The following LRAT variants were observed in gnomAD, a reference collection of about 807,000 sequenced individuals.
LRAT encodes the protein lecithin retinol acyltransferase.
Under a neutral mutation model 14.2 loss-of-function variants are expected in LRAT, and 11 were observed. The observed-to-expected ratio is 0.78, with a 90% CI of 0.49 to 1.29. The LOEUF is 1.29. Among genes scored for constraint, LRAT ranks in the 50% most tolerant of loss-of-function variants. The pLI is 0.00. For missense variants in LRAT, 274 were observed against 292.4 expected, an observed-to-expected ratio of 0.94 and a Z score of 0.46; for synonymous variants, 144 against 124.8, an observed-to-expected ratio of 1.15 and a Z score of -1.03.
chr4:154,745,081 C>T (rs1486747110), intron 2 of LRAT, among the ~76,000 whole-genome samples: 3 of 132,452 alleles, frequency 2.3e-5, no homozygotes, highest in African/African-American at 8.4e-5. Context: ...TGCAGTGGCG[C>T]GATCTCCACT....
rs973024842 is a variant in LRAT at position 154,750,783 on chromosome 4, G to A, written c.*1647G>A. On this transcript the variant is annotated 3_prime_UTR_variant, in exon 3 of 3. Coordinates refer to ENST00000336356, the MANE Select transcript of LRAT (RefSeq NM_004744.5). The stretch of plus-strand genomic sequence containing the variant: ...AAAAGCAACCACTATGAGAACTACC[G>A]TGTTAGTGGTTTTTCACTTACTGTA... The A allele has an allele frequency of 4.6e-5, 7 of 152,058 alleles. No individual in the cohort carries two copies. The highest frequency in any genetic ancestry group is 7.4e-5 in the Non-Finnish European group (5 of 68,024). 9.4% of individuals were successfully genotyped at this position (152,058 alleles called of 1,614,324 possible). A position where few individuals can be genotyped will look rare whatever the true frequency, so the allele number is the denominator to read the frequency against.
chr4:154,748,469 G>A, intron 2 of LRAT: 1 of 849,226 alleles, frequency 1.2e-6, no homozygotes, highest in Non-Finnish European at 1.4e-6. Flanking sequence ...ATTTAGTCAG[G>A]AAATGGGATT....
At chr4:154,746,253 T>G (rs746534903) in intron 2 of LRAT, among the ~76,000 whole-genome samples, 6 of 152,200 alleles carry the variant, frequency 3.9e-5, no homozygotes, top group South Asian at 2.1e-4. Context: ...TAGATATTTT[T>G]GGGACCAGAA....
rs1282106863 is a variant in LRAT, at chr4:154,749,997, TATC to T, written c.*867_*869del. 1 of 152,210 alleles carries T rather than the reference TATC, an allele frequency of 6.6e-6. No homozygotes were observed. Among genetic ancestry groups the T allele is most frequent in the African/African-American group, 2.4e-5 (1 of 41,460 alleles). The allele number at this position is 152,210 out of a possible 1,614,324, so 9.4% of individuals were successfully genotyped here. ...GATAAATTGTTCTTGATTGCTTTAT[TATC>T]ATCATACTAGTGTGTTCATTATAGA... is the stretch of plus-strand genomic sequence containing the variant. On this transcript the variant is annotated 3_prime_UTR_variant, in exon 3 of 3. Transcript: ENST00000336356.
At chr4:154,743,422 A>G (rs1304938092), upstream of LRAT, among the ~76,000 whole-genome samples, 1 of 152,072 alleles carries the variant, frequency 6.6e-6, no homozygotes, top group Admixed American at 6.5e-5. Context: ...TGAACCTGGG[A>G]GGCGGAGGTT....
chr4:154,741,287 G>A (rs1184563009), upstream of LRAT, among the ~76,000 whole-genome samples: 1 of 152,038 alleles, frequency 6.6e-6, no homozygotes, highest in East Asian at 1.9e-4. Context: ...ATCGCTAACC[G>A]CTTCCCGCAT....
chr4:154,747,442 T>C (rs774085402), intron 2 of LRAT, among the ~76,000 whole-genome samples: 21 of 152,126 alleles, frequency 1.4e-4, no homozygotes, highest in Non-Finnish European at 2.5e-4. Flanking sequence ...CCCTTTTAAT[T>C]TGTGTGGATT....
intron 2 of LRAT, 86 bp from the exon 3 acceptor site, chr4:154,748,898 C>A: frequency 7.7e-7 from 1 of 1,291,428 alleles, no homozygotes; most frequent in Non-Finnish European, 1.1e-6. Context: ...CAGAAAATAG[C>A]TGGGAAAACT....
chr4:154,744,231 C>T lies in LRAT; in HGVS notation c.-2+9C>T. On this transcript the variant is annotated intron_variant, in intron 1 of 2. Coordinates refer to ENST00000336356, the MANE Select transcript of LRAT (RefSeq NM_004744.5). ...CCTCACCTGGCCTGCAGGTGAGCAG[C>T]AGCGCAGCACCCCTGCCCGGCGAGC... is the stretch of plus-strand genomic sequence containing the variant. 1 of 1,304,366 alleles carries T rather than the reference C, an allele frequency of 7.7e-7. No homozygotes were observed. The highest frequency in any genetic ancestry group is 1.1e-6 in the Non-Finnish European group (1 of 910,512). 80.8% of individuals were successfully genotyped at this position (1,304,366 alleles called of 1,614,324 possible). A position where few individuals can be genotyped will look rare whatever the true frequency, so the allele number is the denominator to read the frequency against.
upstream of LRAT, among the ~76,000 whole-genome samples, chr4:154,742,597 C>T (rs1732787929): frequency 6.6e-6 from 1 of 152,188 alleles, no homozygotes; most frequent in African/African-American, 2.4e-5. Context: ...GTGGAGCCAC[C>T]CGAGGCTCTC....
At chr4:154,743,453 C>A (rs1481201320), upstream of LRAT, among the ~76,000 whole-genome samples, 2 of 152,104 alleles carry the variant, frequency 1.3e-5, no homozygotes, top group Non-Finnish European at 2.9e-5. Context: ...CAGATCGCGC[C>A]ACCGCCCTCC....
upstream of LRAT, among the ~76,000 whole-genome samples, chr4:154,742,723 C>G (rs1732790564): frequency 6.6e-6 from 1 of 152,180 alleles, no homozygotes; most frequent in South Asian, 2.1e-4. Flanking sequence ...TCAGCGGCTC[C>G]CTCACCCGGC....
chr4:154,751,761 A>AAAT lies in LRAT; in HGVS notation c.*2627_*2628insTAA. The AAAT allele has an allele frequency of 9.1e-6, 1 of 109,786 alleles. No homozygotes were observed. The highest frequency in any genetic ancestry group is 3.1e-5 in the African/African-American group (1 of 32,464). The allele number at this position is 109,786 out of a possible 1,614,324, so 6.8% of individuals were successfully genotyped here. A position where few individuals can be genotyped will look rare whatever the true frequency, so the allele number is the denominator to read the frequency against. Reference sequence around the variant, plus strand: ...AAAAAAAAAAAAAAAAAAAAAAAAAAAAAGAAGAAGAAACCCTGAGCCATT... The same window carrying AAAT: ...AAAAAAAAAAAAAAAAAAAAAAAAAAAATAAAGAAGAAGAAACCCTGAGCCATT... On this transcript the variant is annotated 3_prime_UTR_variant, in exon 3 of 3. Coordinates refer to ENST00000336356, the MANE Select transcript of LRAT (RefSeq NM_004744.5).
In LRAT at chr4:154,751,696, T is replaced by C. The variant is rs1361748241; in HGVS notation, c.*2560T>C. ...TTGCAGTGAGTGGAAATTGCGCCAC[T>C]GCACTCCAGCCTGGGCAACAAAGTG... is the stretch of plus-strand genomic sequence containing the variant. On this transcript the variant is annotated 3_prime_UTR_variant, in exon 3 of 3. Transcript: ENST00000336356. 1 of 117,754 alleles carries C rather than the reference T, an allele frequency of 8.5e-6. No homozygotes were observed. The highest frequency in any genetic ancestry group is 3.3e-5 in the African/African-American group (1 of 30,090). 7.3% of individuals were successfully genotyped at this position (117,754 alleles called of 1,614,324 possible). A position where few individuals can be genotyped will look rare whatever the true frequency, so the allele number is the denominator to read the frequency against.
At position 154,750,723 on chromosome 4, in the gene LRAT, C is replaced by T. The variant is rs1732973344; in HGVS notation, c.*1587C>T. ...AATATAGGTGTTCTCTGGACCTATT[C>T]TAACCACTTAAAATTATCTTAAGTA... On this transcript the variant is annotated 3_prime_UTR_variant, in exon 3 of 3. Transcript: ENST00000336356. 6.6e-6 allele frequency: 1 copy of T among 152,044 alleles called. No homozygotes were observed. Among genetic ancestry groups the T allele is most frequent in the African/African-American group, 2.4e-5 (1 of 41,404 alleles). 9.4% of individuals were successfully genotyped at this position (152,044 alleles called of 1,614,324 possible). A position where few individuals can be genotyped will look rare whatever the true frequency, so the allele number is the denominator to read the frequency against.
Position 154,750,918 on chromosome 4 carries a change from G to C in LRAT, c.*1782G>C, listed in dbSNP as rs1449804561. On this transcript the variant is annotated 3_prime_UTR_variant, in exon 3 of 3. Coordinates refer to ENST00000336356, the MANE Select transcript of LRAT (RefSeq NM_004744.5). ...GTTATTACAGGCAGCAAAAACCACTGTCTGAAACTAAATCTGTGTTCAAAG... is the reference window on the plus strand; with the variant it reads ...GTTATTACAGGCAGCAAAAACCACTCTCTGAAACTAAATCTGTGTTCAAAG... The C allele has an allele frequency of 6.6e-6, 1 of 152,140 alleles. No individual in the cohort carries two copies. The highest frequency in any genetic ancestry group is 1.5e-5 in the Non-Finnish European group (1 of 68,020). 9.4% of individuals were successfully genotyped at this position (152,140 alleles called of 1,614,324 possible).
At chr4:154,742,082 C>T (rs537530619), upstream of LRAT, among the ~76,000 whole-genome samples, 1 of 152,172 alleles carries the variant, frequency 6.6e-6, no homozygotes, top group African/African-American at 2.4e-5. Flanking sequence ...ACGTACACAC[C>T]GAGGTCTATC....
At chr4:154,746,352 C>T (rs1035542868) in intron 2 of LRAT, among the ~76,000 whole-genome samples, 3 of 152,298 alleles carry the variant, frequency 2.0e-5, no homozygotes, top group Non-Finnish European at 2.9e-5. Context: ...ACATCTTTCT[C>T]TATCCTCTGT....
At position 154,751,441 on chromosome 4, in the gene LRAT, A is replaced by G. The variant is rs1464897650; in HGVS notation, c.*2305A>G. 1 of 152,168 alleles carries G rather than the reference A, an allele frequency of 6.6e-6. No individual in the cohort carries two copies. The highest frequency in any genetic ancestry group is 2.4e-5 in the African/African-American group (1 of 41,418). The allele number at this position is 152,168 out of a possible 1,614,324, so 9.4% of individuals were successfully genotyped here. A position where few individuals can be genotyped will look rare whatever the true frequency, so the allele number is the denominator to read the frequency against. On this transcript the variant is annotated 3_prime_UTR_variant, in exon 3 of 3. Coordinates refer to ENST00000336356, the MANE Select transcript of LRAT (RefSeq NM_004744.5). ...AGCACATCTTCCTGATCACAGTTAT[A>G]AAAGAAACCCTGAGGCCGGGCGCGG... is the stretch of plus-strand genomic sequence containing the variant.
Sources: allele counts gnomAD v4.1 joint callset (sites outside exome capture counted in the v4.1 genomes callset), GRCh38; gene constraint gnomAD v4.1.1; transcripts MANE v1.5; gene names NCBI Gene and HGNC (gene_info 2026-07-23, HGNC 2026-07-21).